The following PCDHGB2 variants were observed in gnomAD, a reference collection of about 807,000 sequenced individuals.
PCDHGB2 encodes protocadherin gamma subfamily B, 2, also known as protocadherin gamma-B2.
In PCDHGB2, 55 loss-of-function variants were observed where a neutral mutation model predicts 59.3. The ratio of observed to expected loss-of-function variants is 0.93; its 90% CI spans 0.75 to 1.16. The LOEUF is 1.16. PCDHGB2 is among the 50% of genes most tolerant of loss of function. The probability of loss-of-function intolerance (pLI) is 0.00; values close to 1 mark genes in which losing one functional copy is unlikely to be tolerated. For synonymous variants in PCDHGB2, 516 were observed against 512.0 expected, an observed-to-expected ratio of 1.01 and a Z score of -0.11; for missense variants, 1,228 against 1,198.5, an observed-to-expected ratio of 1.02 and a Z score of -0.36.
In PCDHGB2 at chr5:141,399,774, C is replaced by T. The variant is rs758550367; in HGVS notation, c.2421+37218C>T. The T allele has an allele frequency of 1.5e-5, 24 of 1,613,116 alleles. No homozygotes were observed. In the South Asian group the frequency reaches 2.4e-4, roughly 16 times the overall value. On this transcript the variant is annotated intron_variant, in intron 1 of 3. Transcript: ENST00000522605. Reference sequence around the variant, plus strand: ...ACGTGAGCCTGCGCGTGTTGGTGGGCGACCGAAACGACAACGCACCGCGGG... The same window carrying T: ...ACGTGAGCCTGCGCGTGTTGGTGGGTGACCGAAACGACAACGCACCGCGGG...
chr5:141,489,150 T>C lies in PCDHGB2; in HGVS notation c.2422-5657T>C. The C allele has an allele frequency of 1.7e-5, 15 of 862,654 alleles. No individual in the cohort carries two copies. Among genetic ancestry groups the C allele is most frequent in the Middle Eastern group, 2.5e-4 (1 of 4,044 alleles). 53.4% of individuals were successfully genotyped at this position (862,654 alleles called of 1,614,324 possible). On this transcript the variant is annotated intron_variant, in intron 1 of 3. Transcript: ENST00000522605. The surrounding 1 kb of genome is among the most constrained non-coding windows in gnomAD (Gnocchi z 4.5). ...GTTTTTAAGAGGCTGGAAGGAGACA[T>C]AAGAGACTTCAGCTGCTGCATTCCA...
chr5:141,446,130 CTT>C (rs1191897284), intron 1 of PCDHGB2, among the ~76,000 whole-genome samples: 2 of 152,076 alleles, frequency 1.3e-5, no homozygotes, highest in African/African-American at 4.8e-5. Context: ...TTCAATAAGA[CTT>C]AATAATGGAA....
chr5:141,389,597 G>A (rs372987681), intron 1 of PCDHGB2: 95 of 1,613,008 alleles, frequency 5.9e-5, no homozygotes, highest in Non-Finnish European at 7.5e-5. Context: ...ACGGCTCTGC[G>A]CTCTTCGATA....
Position 141,485,432 on chromosome 5 carries a change from A to C in PCDHGB2, c.2422-9375A>C. The C allele has an allele frequency of 6.2e-7, 1 of 1,614,178 alleles. No individual in the cohort carries two copies. Among genetic ancestry groups the C allele is most frequent in the Non-Finnish European group, 8.5e-7 (1 of 1,180,028 alleles). ...TTTGGACAGCGGAGCCCTGCTCATC[A>C]AGAACCCAATCGACCGAGAGGCACT... On this transcript the variant is annotated intron_variant, in intron 1 of 3. Transcript: ENST00000522605. The surrounding 1 kb of genome is among the most constrained non-coding windows in gnomAD (Gnocchi z 5.7).
intron 1 of PCDHGB2, among the ~76,000 whole-genome samples, chr5:141,438,149 A>G (rs1441404688): frequency 6.6e-6 from 1 of 152,220 alleles, no homozygotes; most frequent in African/African-American, 2.4e-5. Context: ...TAGCCAGCCT[A>G]TGGCAAAGCT....
chr5:141,415,866 T>A, intron 1 of PCDHGB2: 1 of 1,115,266 alleles, frequency 9.0e-7, no homozygotes, highest in Non-Finnish European at 1.2e-6. Context: ...GTTTATAGTG[T>A]TGTTGAGTAC....
intron 1 of PCDHGB2, chr5:141,417,772 C>G: frequency 6.9e-7 from 1 of 1,456,320 alleles, no homozygotes; most frequent in East Asian, 2.5e-5. Context: ...GGGACTCCTC[C>G]TGTCCTGGGC....
At chr5:141,463,725 C>T (rs1259646105) in intron 1 of PCDHGB2, among the ~76,000 whole-genome samples, 2 of 152,026 alleles carry the variant, frequency 1.3e-5, no homozygotes, top group Non-Finnish European at 1.5e-5. Context: ...GGATTACAGG[C>T]ATGAGCCACC....
intron 1 of PCDHGB2, chr5:141,364,204 A>C (rs1763216193): frequency 1.7e-6 from 2 of 1,155,836 alleles, no homozygotes; most frequent in East Asian, 5.3e-5. Flanking sequence ...CAGACCAGAC[A>C]AGCTCCTACG....
chr5:141,384,386 T>A (rs1208791457), intron 1 of PCDHGB2: 1 of 1,613,954 alleles, frequency 6.2e-7, no homozygotes, highest in South Asian at 1.1e-5. Flanking sequence ...GAAGACACCA[T>A]CCAGGGGGCT....
At chr5:141,501,540 A>G (rs151047391) in intron 2 of PCDHGB2, among the ~76,000 whole-genome samples, 2 of 152,138 alleles carry the variant, frequency 1.3e-5, no homozygotes, top group East Asian at 3.9e-4. Flanking sequence ...GTTGTTGTGC[A>G]TAAGATCATA....
At chr5:141,423,140 C>T (rs760216287) in intron 1 of PCDHGB2, 7 of 1,613,498 alleles carry the variant, frequency 4.3e-6, no homozygotes, top group Non-Finnish European at 2.5e-6. Flanking sequence ...GACAGAGACG[C>T]GCTCAAGCAG....
chr5:141,370,186 G>A (rs1032273618), intron 1 of PCDHGB2: 2 of 508,450 alleles, frequency 3.9e-6, no homozygotes, highest in Non-Finnish European at 6.8e-6. Flanking sequence ...GCCGCTCTTG[G>A]CTAGTGCTGT....
intron 1 of PCDHGB2, among the ~76,000 whole-genome samples, chr5:141,460,304 A>T (rs769422296): frequency 2.6e-5 from 4 of 152,144 alleles, no homozygotes; most frequent in Admixed American, 6.5e-5. Flanking sequence ...TCCTATTCAA[A>T]AACTCCTTGC....
At chr5:141,408,812 G>T (rs1383299883) in intron 1 of PCDHGB2, 2 of 1,613,454 alleles carry the variant, frequency 1.2e-6, no homozygotes, top group Non-Finnish European at 8.5e-7. Context: ...AGACCGGGAA[G>T]AACAGAGATC....
chr5:141,433,361 A>ATCTATCTATCTC, intron 1 of PCDHGB2: 1 of 297,578 alleles, frequency 3.4e-6, no homozygotes, highest in Non-Finnish European at 6.3e-6. Context: ...CTGTCTGCCT[A>ATCTATCTATCTC]TCTATCTATC....
intron 1 of PCDHGB2, chr5:141,427,889 G>A: frequency 1.3e-6 from 2 of 1,566,516 alleles, no homozygotes; most frequent in Non-Finnish European, 1.7e-6. Context: ...CCCACGACCA[G>A]GGCTCGCCCG....
chr5:141,441,102 C>A (rs1057297804), intron 1 of PCDHGB2: 2 of 152,148 alleles, frequency 1.3e-5, no homozygotes, highest in Non-Finnish European at 2.9e-5. Flanking sequence ...GAGAGGGACT[C>A]ATTGTCCAGT....
At chr5:141,415,640 T>C in intron 1 of PCDHGB2, 1 of 1,594,726 alleles carries the variant, frequency 6.3e-7, no homozygotes, top group Non-Finnish European at 8.5e-7. Context: ...TTTACTTTTG[T>C]TAAAAAAAAA....
Sources: allele counts gnomAD v4.1 joint callset (sites outside exome capture counted in the v4.1 genomes callset), GRCh38; gene constraint gnomAD v4.1.1; non-coding constraint Gnocchi (gnomAD v3.1); transcripts MANE v1.5; gene names NCBI Gene and HGNC (gene_info 2026-07-23, HGNC 2026-07-21).